The following EYS variants were observed in gnomAD, a reference collection of about 807,000 sequenced individuals.
EYS encodes EGF-like photoreceptor maintenance factor, also known as protein eyes shut homolog.
EYS carries 250 observed loss-of-function variants against 282.1 expected under a neutral mutation model. That is an observed-to-expected ratio of 0.89 (90% CI 0.80 to 0.98). EYS has a LOEUF of 0.98. EYS is among the 50% of genes least tolerant of loss of function. The probability of loss-of-function intolerance (pLI) is 0.00; values close to 1 mark genes in which losing one functional copy is unlikely to be tolerated. For synonymous variants in EYS, 1,355 were observed against 1,282.9 expected (o/e 1.06, Z -1.20); for missense variants, 4,016 against 3,709.0 (o/e 1.08, Z -2.15).
At chr6:64,553,638 A>G (rs1562058580) in intron 26 of EYS, among the ~76,000 whole-genome samples, 1 of 149,384 alleles carries the variant, frequency 6.7e-6, no homozygotes, top group African/African-American at 2.5e-5. Flanking sequence ...TAAATAGCAT[A>G]AGGTGCCTTT....
chr6:64,232,202 C>G (rs994787729), intron 30 of EYS, among the ~76,000 whole-genome samples: 6 of 152,086 alleles, frequency 3.9e-5, no homozygotes, highest in African/African-American at 1.4e-4. Flanking sequence ...CATGATTGAG[C>G]CTGACCTGCT....
At chr6:65,420,322 A>G (rs938009462) in intron 5 of EYS, among the ~76,000 whole-genome samples, 2 of 152,020 alleles carry the variant, frequency 1.3e-5, no homozygotes, top group African/African-American at 4.8e-5. Flanking sequence ...CATCCTCACC[A>G]GGAGTAGATT....
chr6:64,516,324 A>T (rs75692625), intron 26 of EYS, among the ~76,000 whole-genome samples: 1,682 of 151,812 alleles, frequency 0.011, 33 homozygotes, highest in East Asian at 0.083. Context: ...GAGGGAGAGG[A>T]CCAGGAAAAG....
intron 26 of EYS, among the ~76,000 whole-genome samples, chr6:64,532,576 G>A (rs1255508052): frequency 6.6e-6 from 1 of 152,070 alleles, no homozygotes; most frequent in African/African-American, 2.4e-5. Flanking sequence ...GGGCGTGGTG[G>A]CAGGCGCCCG....
chr6:65,319,050 T>A (rs1769395286), intron 11 of EYS, among the ~76,000 whole-genome samples: 1 of 151,304 alleles, frequency 6.6e-6, no homozygotes, highest in African/African-American at 2.4e-5. Context: ...ATCTTTATAT[T>A]TTTAAACTTT....
At chr6:64,795,871 C>T (rs947653561) in intron 22 of EYS, among the ~76,000 whole-genome samples, 2 of 152,074 alleles carry the variant, frequency 1.3e-5, no homozygotes, top group Non-Finnish European at 2.9e-5. Flanking sequence ...ATGTGAGGAC[C>T]TCATCCAGAT....
In EYS at chr6:65,596,514, T is replaced by C. The variant is rs530997569; in HGVS notation, c.-333+43264A>G. ...GCAACATATGTGCAGATAACAAAAATGTGACCAATATGAATCCTGAAATGA... is the reference window on the plus strand; with the variant it reads ...GCAACATATGTGCAGATAACAAAAACGTGACCAATATGAATCCTGAAATGA... On this transcript the variant is annotated intron_variant, in intron 2 of 42. Coordinates refer to ENST00000503581, the MANE Select transcript of EYS (RefSeq NM_001142800.2). 4.6e-5 allele frequency among the ~76,000 whole-genome samples: 7 copies of C among 152,228 alleles called. No homozygotes were observed. The East Asian group carries it at 1.4e-3, about 29-fold the overall frequency.
chr6:63,810,314 C>G (rs577166379), intron 36 of EYS, among the ~76,000 whole-genome samples: 8 of 142,022 alleles, frequency 5.6e-5, no homozygotes, highest in Non-Finnish European at 1.1e-4. Flanking sequence ...ACCCCCCCCC[C>G]CAAAAAAACC....
chr6:65,204,610 A>G (rs1391137726), intron 12 of EYS, among the ~76,000 whole-genome samples: 1 of 151,906 alleles, frequency 6.6e-6, no homozygotes, highest in African/African-American at 2.4e-5. Context: ...CTCACACATT[A>G]CACAAAGCAA....
Position 65,309,431 on chromosome 6 carries a change from CT to C in EYS, c.1767-13313del, listed in dbSNP as rs1158193345. Among the ~76,000 whole-genome samples the C allele has an allele frequency of 2.3e-4, 35 of 152,192 alleles. 2 individuals carry two copies. Among genetic ancestry groups the C allele is most frequent in the African/African-American group, 5.3e-4 (22 of 41,520 alleles). On this transcript the variant is annotated intron_variant, in intron 11 of 42. Transcript: ENST00000503581. ...CCAAGGGTGATGGGAAACATGGGGC[CT>C]GATAGACTTGTCATATCTTGTTACA...
intron 32 of EYS, among the ~76,000 whole-genome samples, chr6:64,073,172 G>T (rs1771650677): frequency 6.6e-6 from 1 of 151,818 alleles, no homozygotes; most frequent in African/African-American, 2.4e-5. Flanking sequence ...TTCACAGTCT[G>T]CTATATATTA....
intron 22 of EYS, among the ~76,000 whole-genome samples, chr6:64,651,947 G>T (rs1768576265): frequency 2.0e-5 from 3 of 152,126 alleles, no homozygotes; most frequent in African/African-American, 2.4e-5. Flanking sequence ...TTGAGATAAA[G>T]TTCTGTTAAT....
At chr6:64,023,853 AGTGGGCCCC>A (rs1357167586) in intron 33 of EYS, among the ~76,000 whole-genome samples, 1 of 152,162 alleles carries the variant, frequency 6.6e-6, no homozygotes, top group Non-Finnish European at 1.5e-5. Flanking sequence ...GCGTGGGCTC[AGTGGGCCCC>A]GCACTCGTAG....
rs999027244 is a variant in EYS at position 64,311,457 on chromosome 6, A to T, written c.6079-4375T>A. The stretch of plus-strand genomic sequence containing the variant: ...ATATAGTTCTTATTATTAATCCAGG[A>T]CAAATAACTCCTGGTTATTTCTAAA... On this transcript the variant is annotated intron_variant, in intron 29 of 42. Transcript: ENST00000503581. Among the ~76,000 whole-genome samples the T allele has an allele frequency of 3.9e-5, 6 of 152,224 alleles. No homozygotes were observed. The East Asian group carries it at 1.2e-3, about 29-fold the overall frequency.
At chr6:64,942,001 G>C (rs987675022) in intron 15 of EYS, among the ~76,000 whole-genome samples, 25 of 152,088 alleles carry the variant, frequency 1.6e-4, no homozygotes, top group Middle Eastern at 3.2e-3. Context: ...GGGTGAAATG[G>C]TAGTTCTATG....
intron 24 of EYS, among the ~76,000 whole-genome samples, chr6:64,612,171 CT>C (rs1562091641): frequency 1.3e-5 from 2 of 151,944 alleles, no homozygotes; most frequent in Admixed American, 6.6e-5. Flanking sequence ...ACTCAGAACC[CT>C]TTTTTCTCAG....
intron 12 of EYS, among the ~76,000 whole-genome samples, chr6:65,200,034 T>C (rs1765862507): frequency 6.6e-6 from 1 of 152,104 alleles, no homozygotes; most frequent in East Asian, 1.9e-4. Flanking sequence ...AAGGACAAGA[T>C]TTCAAGAAGT....
intron 13 of EYS, among the ~76,000 whole-genome samples, chr6:65,037,233 C>T (rs1029553510): frequency 2.0e-5 from 3 of 151,818 alleles, no homozygotes; most frequent in Non-Finnish European, 2.9e-5. Context: ...ACTGCACATT[C>T]TTACTTCTAA....
intron 19 of EYS, among the ~76,000 whole-genome samples, chr6:64,823,611 T>C (rs963566261): frequency 4.6e-5 from 7 of 152,000 alleles, no homozygotes; most frequent in East Asian, 3.9e-4. Flanking sequence ...TGAGCACTTA[T>C]AGGTGTGCCC....
Sources: allele counts gnomAD v4.1 joint callset (sites outside exome capture counted in the v4.1 genomes callset), GRCh38; gene constraint gnomAD v4.1.1; transcripts MANE v1.5; gene names NCBI Gene and HGNC (gene_info 2026-07-23, HGNC 2026-07-21).